Variants in DLG1 observed in about 807,000 individuals in gnomAD.
DLG1 encodes disks large homolog 1.
DLG1 carries 42 observed loss-of-function variants against 123.4 expected under a neutral mutation model. That is an observed-to-expected ratio of 0.34 (90% CI 0.27 to 0.44). DLG1 has a LOEUF of 0.44. Ranked by LOEUF, DLG1 falls within the 20% of genes least tolerant of loss-of-function variation. DLG1 has a pLI of 1.00. For synonymous variants in DLG1, 317 were observed against 356.2 expected, an observed-to-expected ratio of 0.89 and a Z score of 1.24; for missense variants, 942 against 1,082.6, an observed-to-expected ratio of 0.87 and a Z score of 1.82.
chr3:197,089,545 A>C (rs1006173510), intron 15 of DLG1, among the ~76,000 whole-genome samples: 3 of 150,586 alleles, frequency 2.0e-5, no homozygotes, highest in African/African-American at 7.4e-5. Flanking sequence ...AAAAAAAAAC[A>C]GAAAGAAAAT....
chr3:197,159,288 A>G (rs1199158756), intron 5 of DLG1, among the ~76,000 whole-genome samples: 1 of 152,258 alleles, frequency 6.6e-6, no homozygotes, highest in Non-Finnish European at 1.5e-5. Flanking sequence ...GATCAATGTG[A>G]AAGTACTCTG....
chr3:197,156,361 C>A (rs1349296931), intron 5 of DLG1, among the ~76,000 whole-genome samples: 1 of 151,790 alleles, frequency 6.6e-6, no homozygotes, highest in Non-Finnish European at 1.5e-5. Context: ...TAATCAAAGA[C>A]CAAAGAAGAC....
At chr3:197,225,581 T>C (rs1445959495) in intron 4 of DLG1, among the ~76,000 whole-genome samples, 1 of 152,216 alleles carries the variant, frequency 6.6e-6, no homozygotes, top group Non-Finnish European at 1.5e-5. Context: ...TACACTTAAT[T>C]CTCCACAGTA....
chr3:197,243,639 C>T (rs1330700345), intron 4 of DLG1, among the ~76,000 whole-genome samples: 1 of 152,108 alleles, frequency 6.6e-6, no homozygotes, highest in Non-Finnish European at 1.5e-5. Flanking sequence ...CTAGCGCCAT[C>T]CTATTTTCCC....
intron 3 of DLG1, among the ~76,000 whole-genome samples, chr3:197,289,517 G>T (rs1773798589): frequency 6.6e-6 from 1 of 151,948 alleles, no homozygotes; most frequent in Admixed American, 6.6e-5. Flanking sequence ...TATTTTGGAG[G>T]GTTACAGGAA....
intron 4 of DLG1, among the ~76,000 whole-genome samples, chr3:197,252,508 T>C (rs1754933839): frequency 1.3e-5 from 2 of 152,178 alleles, no homozygotes; most frequent in South Asian, 4.1e-4. Context: ...CATCTGACTA[T>C]ACTTTTATGT....
At chr3:197,245,418 G>A (rs1334431468) in intron 4 of DLG1, among the ~76,000 whole-genome samples, 1 of 152,132 alleles carries the variant, frequency 6.6e-6, no homozygotes, top group African/African-American at 2.4e-5. Flanking sequence ...TAATCAATTT[G>A]GATACTTCGG....
chr3:197,142,622 T>C (rs911872498), intron 7 of DLG1, 96 bp downstream of exon 7: 94 of 872,952 alleles, frequency 1.1e-4, no homozygotes, highest in Middle Eastern at 3.3e-4. Context: ...AAATATCATA[T>C]AGTTCTGTTT....
chr3:197,196,171 C>CAAAAAAAA (rs71162001), intron 4 of DLG1, among the ~76,000 whole-genome samples: 1 of 88,712 alleles, frequency 1.1e-5, no homozygotes, highest in Non-Finnish European at 2.1e-5. Flanking sequence ...AAATGCACAC[C>CAAAAAAAA]AAAAAAAAAA....
intron 5 of DLG1, among the ~76,000 whole-genome samples, chr3:197,182,746 C>T (rs1713121425): frequency 6.6e-6 from 1 of 152,084 alleles, no homozygotes; most frequent in African/African-American, 2.4e-5. Flanking sequence ...TAAAGTTGAA[C>T]TGACTGCTTA....
At chr3:197,164,921 C>CAAA (rs11406646) in intron 5 of DLG1, among the ~76,000 whole-genome samples, 8 of 138,432 alleles carry the variant, frequency 5.8e-5, no homozygotes, top group African/African-American at 2.1e-4. Context: ...AAGACTATCT[C>CAAA]AAAAAAAGAA....
intron 5 of DLG1, among the ~76,000 whole-genome samples, chr3:197,170,051 G>A (rs1398465829): frequency 2.0e-5 from 3 of 152,062 alleles, no homozygotes; most frequent in Non-Finnish European, 4.4e-5. Flanking sequence ...TAACGATGAC[G>A]CCCTCCAGCT....
At chr3:197,191,583 T>TA (rs1019135719) in intron 5 of DLG1, among the ~76,000 whole-genome samples, 1 of 151,986 alleles carries the variant, frequency 6.6e-6, no homozygotes, top group African/African-American at 2.4e-5. Flanking sequence ...ACATCAGAAA[T>TA]AAAAAAATTA....
At chr3:197,057,368 C>T (rs1478274157) in intron 23 of DLG1, among the ~76,000 whole-genome samples, 3 of 152,166 alleles carry the variant, frequency 2.0e-5, no homozygotes, top group Non-Finnish European at 2.9e-5. Context: ...AGGTGTGAGC[C>T]GCCGCACCTG....
intron 5 of DLG1, among the ~76,000 whole-genome samples, chr3:197,177,301 G>A (rs1341244657): frequency 4.6e-5 from 7 of 152,068 alleles, no homozygotes; most frequent in Admixed American, 4.6e-4. Context: ...CAATACCAAA[G>A]GAGACTATTT....
intron 23 of DLG1, among the ~76,000 whole-genome samples, chr3:197,057,030 T>C (rs1732153318): frequency 6.6e-6 from 1 of 152,238 alleles, no homozygotes; most frequent in South Asian, 2.1e-4. Flanking sequence ...TATTTACATA[T>C]TCTACTCCTG....
At chr3:197,262,581 C>T (rs577211856) in intron 4 of DLG1, among the ~76,000 whole-genome samples, 1 of 152,278 alleles carries the variant, frequency 6.6e-6, no homozygotes, top group South Asian at 2.1e-4. Context: ...CTACTATTTC[C>T]ATCTAAATGG....
chr3:197,190,739 G>C (rs893957097), intron 5 of DLG1, among the ~76,000 whole-genome samples: 2 of 152,178 alleles, frequency 1.3e-5, no homozygotes, highest in Non-Finnish European at 2.9e-5. Flanking sequence ...GGCCGGGCGC[G>C]GTGGCTCCCG....
At chr3:197,244,459 CCT>C (rs1750596994) in intron 4 of DLG1, among the ~76,000 whole-genome samples, 3 of 152,062 alleles carry the variant, frequency 2.0e-5, no homozygotes, top group South Asian at 2.1e-4. Flanking sequence ...ATCTCGGTAC[CCT>C]GTTTCAATGA....
Sources: allele counts gnomAD v4.1 joint callset (sites outside exome capture counted in the v4.1 genomes callset), GRCh38; gene constraint gnomAD v4.1.1; transcripts MANE v1.5; gene names NCBI Gene and HGNC (gene_info 2026-07-23, HGNC 2026-07-21).